AFAP1: variants seen among roughly 807,000 people sequenced by gnomAD.
AFAP1 encodes actin filament associated protein 1.
Under a neutral mutation model 93.9 loss-of-function variants are expected in AFAP1, and 75 were observed. The observed-to-expected ratio is 0.80, with a 90% CI of 0.66 to 0.97. AFAP1 has a LOEUF of 0.97. AFAP1 is among the 50% of genes least tolerant of loss of function. AFAP1 has a pLI of 0.00. For missense variants in AFAP1, 1,201 were observed against 1,050.8 expected (o/e 1.14, Z -1.98); for synonymous variants, 517 against 430.7 (o/e 1.20, Z -2.48).
At chr4:7,900,982 G>A (rs1015403722) in intron 1 of AFAP1, among the ~76,000 whole-genome samples, 3 of 152,166 alleles carry the variant, frequency 2.0e-5, no homozygotes, top group African/African-American at 7.2e-5. Context: ...TTGGGCTAGG[G>A]AATCTGTTGC....
chr4:7,781,557 G>A lies in AFAP1; in HGVS notation c.1601C>T (p.Ala534Val), dbSNP rs1325773981. 2 of 1,551,882 alleles carry A rather than the reference G, an allele frequency of 1.3e-6. No individual in the cohort carries two copies. The highest frequency in any genetic ancestry group is 1.7e-6 in the Non-Finnish European group (2 of 1,147,082). ...AGGCGGCAAGTTATCGTACAGGCCT[G>A]CGTTATCATAAAGCACCTCTTCTCC... ...GLGEEVLYDN[A>V]GLYDNLPPPH... Residue 534 changes from alanine (A) to valine (V), a missense_variant, in exon 13 of 18, where the codon GCA becomes GTA. By Grantham distance (64) the Ala-to-Val change is moderately conservative (BLOSUM62 0). Coordinates refer to ENST00000420658, the MANE Select transcript of AFAP1 (RefSeq NM_001134647.2).
intron 8 of AFAP1, among the ~76,000 whole-genome samples, chr4:7,812,247 C>T (rs1435995388): frequency 6.6e-6 from 1 of 152,054 alleles, no homozygotes; most frequent in Non-Finnish European, 1.5e-5. Context: ...GCCCGGGGCA[C>T]CCTCAGAAAG....
chr4:7,842,421 G>A (rs1447418346), intron 5 of AFAP1, among the ~76,000 whole-genome samples: 1 of 151,482 alleles, frequency 6.6e-6, no homozygotes, highest in Non-Finnish European at 1.5e-5. Context: ...ATTCCCCCAA[G>A]GTTAATCTGA....
At chr4:7,772,687 G>C in intron 16 of AFAP1, 133 bp downstream of exon 16, 1 of 781,046 alleles carries the variant, frequency 1.3e-6, no homozygotes, top group Non-Finnish European at 2.0e-6. Flanking sequence ...CACATGAACT[G>C]TCTTCTGCTG....
chr4:7,915,348 T>C (rs1262120402), intron 1 of AFAP1, among the ~76,000 whole-genome samples: 6 of 152,180 alleles, frequency 3.9e-5, no homozygotes, highest in Admixed American at 1.3e-4. Context: ...CATTTGTACA[T>C]CTTCTTTCAA....
At chr4:7,800,087 T>C (rs1718877445) in intron 10 of AFAP1, among the ~76,000 whole-genome samples, 1 of 152,174 alleles carries the variant, frequency 6.6e-6, no homozygotes, top group Non-Finnish European at 1.5e-5. Context: ...TTAAAACAAG[T>C]TATTTTCCAG....
intron 7 of AFAP1, among the ~76,000 whole-genome samples, chr4:7,817,604 A>G (rs1047861831): frequency 2.7e-5 from 4 of 148,624 alleles, no homozygotes; most frequent in Admixed American, 6.7e-5. Context: ...AAAACAAACA[A>G]AAAGACAAAA....
intron 1 of AFAP1, among the ~76,000 whole-genome samples, chr4:7,874,640 C>T (rs2149189038): frequency 6.8e-6 from 1 of 147,336 alleles, no homozygotes; most frequent in African/African-American, 2.5e-5. Context: ...ACCTCGGCCT[C>T]CCAAAGTGCT....
intron 1 of AFAP1, among the ~76,000 whole-genome samples, chr4:7,905,882 G>A (rs1482128247): frequency 6.6e-6 from 1 of 152,186 alleles, no homozygotes; most frequent in African/African-American, 2.4e-5. Context: ...CTGCAGTGTG[G>A]AGGCAGGCAT....
At chr4:7,864,167 A>AACTTCCCCTCACAACACATTCC in intron 3 of AFAP1, among the ~76,000 whole-genome samples, 1 of 125,728 alleles carries the variant, frequency 8.0e-6, no homozygotes, top group Non-Finnish European at 1.7e-5. Context: ...ATCACAACCC[A>AACTTCCCCTCACAACACATTCC]CAGGTCCTTT....
chr4:7,845,165 T>C (rs986869881), intron 4 of AFAP1, among the ~76,000 whole-genome samples: 17 of 152,280 alleles, frequency 1.1e-4, no homozygotes, highest in African/African-American at 4.1e-4. Context: ...CTCACACCTG[T>C]AATCGCAGCC....
At chr4:7,925,474 A>T (rs957312680) in intron 1 of AFAP1, among the ~76,000 whole-genome samples, 21 of 151,918 alleles carry the variant, frequency 1.4e-4, no homozygotes, top group African/African-American at 5.1e-4. Flanking sequence ...GCACTTTGGG[A>T]GGCCGAGTCA....
chr4:7,806,994 G>A (rs559290357), intron 9 of AFAP1, among the ~76,000 whole-genome samples: 2 of 152,172 alleles, frequency 1.3e-5, no homozygotes, highest in South Asian at 2.1e-4. Context: ...AAGGCCTGTG[G>A]GACAGGGAAC....
intron 4 of AFAP1, among the ~76,000 whole-genome samples, chr4:7,854,028 ACT>A (rs763139943): frequency 3.5e-4 from 53 of 151,802 alleles, no homozygotes; most frequent in African/African-American, 1.2e-3. Context: ...TCAAACAATC[ACT>A]CTGTTTCCAG....
At chr4:7,801,163 T>C (rs759755103) in intron 9 of AFAP1, among the ~76,000 whole-genome samples, 20 of 152,194 alleles carry the variant, frequency 1.3e-4, no homozygotes, top group Admixed American at 7.9e-4. Context: ...TAGGAGGCCC[T>C]GGGAGGCACT....
intron 13 of AFAP1, among the ~76,000 whole-genome samples, chr4:7,780,657 TTA>T (rs1491145850): frequency 6.6e-6 from 1 of 151,950 alleles, no homozygotes; most frequent in African/African-American, 2.4e-5. Context: ...TTTTTTTTTT[TTA>T]AAAAGGCCTA....
chr4:7,803,602 AATTCCCAACCACAGGGGGTCCAGTCCTG>A (rs1207212607), intron 9 of AFAP1, among the ~76,000 whole-genome samples: 5 of 151,698 alleles, frequency 3.3e-5, no homozygotes, highest in Non-Finnish European at 7.4e-5. Context: ...GTGGGGCGGC[AATTCCCAACCACAGGGGGTCCAGTCCTG>A]ATCCCCAGCC....
chr4:7,932,416 C>T (rs1721126676), intron 1 of AFAP1, among the ~76,000 whole-genome samples: 1 of 152,148 alleles, frequency 6.6e-6, no homozygotes, highest in Non-Finnish European at 1.5e-5. Flanking sequence ...TTCTCTAAAA[C>T]TCAGGAATGT....
chr4:7,807,425 G>T (rs542756743), intron 9 of AFAP1, among the ~76,000 whole-genome samples: 1 of 152,270 alleles, frequency 6.6e-6, no homozygotes, highest in South Asian at 2.1e-4. Flanking sequence ...TCCCCATTCC[G>T]TGCTACAGCT....
Sources: allele counts gnomAD v4.1 joint callset (sites outside exome capture counted in the v4.1 genomes callset), GRCh38; gene constraint gnomAD v4.1.1; transcripts MANE v1.5; gene names NCBI Gene and HGNC (gene_info 2026-07-23, HGNC 2026-07-21).